The following FAM20C variants were observed in gnomAD, a reference collection of about 807,000 sequenced individuals.
FAM20C encodes FAM20C golgi associated secretory pathway kinase.
A neutral mutation model predicts 51.5 loss-of-function variants in FAM20C; 40 were observed. The ratio of observed to expected loss-of-function variants is 0.78; its 90% confidence interval spans 0.60 to 1.01. The LOEUF (loss-of-function observed/expected upper bound fraction) is 1.01, where lower values mean the gene tolerates loss of function less well. Ranked by LOEUF, FAM20C falls within the 50% of genes least tolerant of loss-of-function variation. The probability of loss-of-function intolerance (pLI) is 0.00; values close to 1 mark genes in which losing one functional copy is unlikely to be tolerated. For missense variants in FAM20C, 861 were observed against 844.7 expected (o/e 1.02, Z -0.24); for synonymous variants, 406 against 380.6 (o/e 1.07, Z -0.78).
intron 3 of FAM20C, among the ~76,000 whole-genome samples, chr7:229,994 G>C (rs1583316795): frequency 1.3e-5 from 2 of 152,172 alleles, no homozygotes; most frequent in South Asian, 4.1e-4. Flanking sequence ...TGGGGTAGGG[G>C]GATGGGGAAG....
chr7:217,211 C>T lies in FAM20C; in HGVS notation c.863+8235C>T, dbSNP rs1212292506. ...GACCCCCCGAGGCCTGTGGGGGAGGCGGACACAGCTTTGGCCTCGGACTTG... is the reference window on the plus strand; with the variant it reads ...GACCCCCCGAGGCCTGTGGGGGAGGTGGACACAGCTTTGGCCTCGGACTTG... On this transcript the variant is annotated intron_variant, in intron 3 of 9. Coordinates refer to ENST00000313766, the MANE Select transcript of FAM20C (RefSeq NM_020223.4). Among the ~76,000 whole-genome samples the T allele has an allele frequency of 3.3e-5, 5 of 152,124 alleles. 1 individual carries two copies. Among genetic ancestry groups the T allele is most frequent in the East Asian group, 1.9e-4 (1 of 5,172 alleles).
At chr7:234,236 C>G (rs1309485638) in intron 3 of FAM20C, among the ~76,000 whole-genome samples, 3 of 152,386 alleles carry the variant, frequency 2.0e-5, no homozygotes, top group East Asian at 3.9e-4. Context: ...TCCTCGTGCC[C>G]TCAGTGGGAC....
chr7:235,636 C>T lies in FAM20C; in HGVS notation c.864-10779C>T, dbSNP rs978101945. Among the ~76,000 whole-genome samples the T allele has an allele frequency of 3.3e-5, 5 of 152,360 alleles. No homozygotes were observed. The East Asian group carries it at 5.8e-4, about 18-fold the overall frequency. On this transcript the variant is annotated intron_variant, in intron 3 of 9. Coordinates refer to ENST00000313766, the MANE Select transcript of FAM20C (RefSeq NM_020223.4). Reference sequence around the variant, plus strand: ...CTGGCGCTTCCCTGAGTGGCAGCGCCGTCTCCTCCCGCTCGGGTGGGGCCC... The same window carrying T: ...CTGGCGCTTCCCTGAGTGGCAGCGCTGTCTCCTCCCGCTCGGGTGGGGCCC...
chr7:209,579 C>T (rs1366831331), intron 3 of FAM20C, among the ~76,000 whole-genome samples: 1 of 152,208 alleles, frequency 6.6e-6, no homozygotes, highest in African/African-American at 2.4e-5. Flanking sequence ...ACCGATAACA[C>T]AGCGCTCCGT....
rs1330490310 is a variant in FAM20C, at chr7:225,922, C to T, written c.863+16946C>T. ...GAGCAGAATGGCACCGTCACGGGGT[C>T]GCACGGCGGCTGTCCCCTGAGCCTT... is the stretch of plus-strand genomic sequence containing the variant. On this transcript the variant is annotated intron_variant, in intron 3 of 9. Coordinates refer to ENST00000313766, the MANE Select transcript of FAM20C (RefSeq NM_020223.4). Among the ~76,000 whole-genome samples the T allele has an allele frequency of 2.2e-5, 2 of 92,730 alleles. 1 individual carries two copies. Among genetic ancestry groups the T allele is most frequent in the African/African-American group, 8.7e-5 (2 of 22,958 alleles). 60.8% of individuals were successfully genotyped at this position (92,730 alleles called of 152,430 possible).
At chr7:211,172 A>C (rs1786691132) in intron 3 of FAM20C, among the ~76,000 whole-genome samples, 2 of 63,374 alleles carry the variant, frequency 3.2e-5, no homozygotes, top group Non-Finnish European at 6.0e-5. Context: ...AGCCTCCGCC[A>C]ACCTCCCCCA....
intron 3 of FAM20C, chr7:227,836 C>T (rs1425144065): frequency 6.6e-6 from 1 of 152,630 alleles, no homozygotes; most frequent in Non-Finnish European, 1.5e-5. Flanking sequence ...GTGGAAATGA[C>T]TTCAGACTTT....
At chr7:246,317 C>T (rs1788157303) in intron 3 of FAM20C, 98 bp from the exon 4 acceptor site, 1 of 1,028,424 alleles carries the variant, frequency 9.7e-7, no homozygotes. Context: ...AGCTCCACCG[C>T]ATTTTTCATA....
chr7:253,402 C>T (rs901237511), intron 5 of FAM20C, among the ~76,000 whole-genome samples: 10 of 152,258 alleles, frequency 6.6e-5, no homozygotes, highest in African/African-American at 1.2e-4. Context: ...CTGCGCTCTC[C>T]GGGAGGCCAA....
At chr7:219,282 G>A (rs1449886197) in intron 3 of FAM20C, among the ~76,000 whole-genome samples, 1 of 152,116 alleles carries the variant, frequency 6.6e-6, no homozygotes, top group Non-Finnish European at 1.5e-5. Context: ...GAACCCCACC[G>A]TGAATGTGCA....
intron 5 of FAM20C, among the ~76,000 whole-genome samples, chr7:248,819 T>C (rs1788284579): frequency 6.6e-6 from 1 of 150,826 alleles, no homozygotes; most frequent in African/African-American, 2.4e-5. Flanking sequence ...GGGCCCGCAT[T>C]CATCTCTCCA....
intron 2 of FAM20C, among the ~76,000 whole-genome samples, chr7:205,306 G>T (rs1786315260): frequency 6.8e-6 from 1 of 146,970 alleles, no homozygotes; most frequent in Non-Finnish European, 1.5e-5. Flanking sequence ...GCACCACCAC[G>T]ACGTCAGCCC....
intron 3 of FAM20C, chr7:228,560 G>A (rs745453024): frequency 3.3e-5 from 15 of 456,072 alleles, no homozygotes; most frequent in South Asian, 1.5e-4. Context: ...GGAGACGCCC[G>A]CTGCCTACAC....
At chr7:251,744 G>A (rs1489910639) in intron 5 of FAM20C, among the ~76,000 whole-genome samples, 1 of 152,112 alleles carries the variant, frequency 6.6e-6, no homozygotes, top group Non-Finnish European at 1.5e-5. Context: ...TTTATTAAGC[G>A]CTCCAGCAGC....
At chr7:258,466 C>CCGGGG in intron 8 of FAM20C, among the ~76,000 whole-genome samples, 180 bp from the exon 9 acceptor site, 1 of 138,368 alleles carries the variant, frequency 7.2e-6, no homozygotes, top group African/African-American at 2.8e-5. Flanking sequence ...GACCCACTGC[C>CCGGGG]TGGGGTGCTG....
intron 3 of FAM20C, among the ~76,000 whole-genome samples, chr7:236,051 G>A (rs1383028194): frequency 1.3e-5 from 2 of 152,134 alleles, no homozygotes; most frequent in East Asian, 1.9e-4. Context: ...CTGTCAGGGC[G>A]CCCAGGAAGA....
intron 3 of FAM20C, among the ~76,000 whole-genome samples, chr7:242,888 G>A (rs1787993099): frequency 6.6e-6 from 1 of 152,172 alleles, no homozygotes; most frequent in Admixed American, 6.5e-5. Context: ...GTGGCTGTGT[G>A]TCCAGGGGAC....
Position 235,463 on chromosome 7 carries a change from C to T in FAM20C, c.864-10952C>T, listed in dbSNP as rs943399968. On this transcript the variant is annotated intron_variant, in intron 3 of 9. Transcript: ENST00000313766. ...GGACAAATGCACCTCCCCCAACCCC[C>T]GGGCAGGTGAAGTTCTATTCCACCC... Among the ~76,000 whole-genome samples the T allele has an allele frequency of 1.3e-5, 2 of 152,314 alleles. 1 individual carries two copies. Among genetic ancestry groups the T allele is most frequent in the Admixed American group, 1.3e-4 (2 of 15,306 alleles).
At chr7:217,376 C>A (rs1787031731) in intron 3 of FAM20C, among the ~76,000 whole-genome samples, 1 of 3,996 alleles carries the variant, frequency 2.5e-4, no homozygotes, top group African/African-American at 9.8e-4. Context: ...CACAGACTGG[C>A]TGTGGGTGAG....
Sources: allele counts gnomAD v4.1 joint callset (sites outside exome capture counted in the v4.1 genomes callset), GRCh38; gene constraint gnomAD v4.1.1; transcripts MANE v1.5; gene names NCBI Gene and HGNC (gene_info 2026-07-23, HGNC 2026-07-21).